The following NALF1 variants were observed in gnomAD, a reference collection of about 807,000 sequenced individuals.
NALF1 encodes the protein NALCN channel auxiliary factor 1.
NALF1 carries 3 observed loss-of-function variants against 48.4 expected under a neutral mutation model. The ratio of observed to expected loss-of-function variants is 0.06; its 90% CI spans 0.03 to 0.16. The LOEUF (loss-of-function observed/expected upper bound fraction) is 0.16, where lower values mean the gene tolerates loss of function less well. NALF1 is among the 10% of genes least tolerant of loss of function. The pLI is 1.00. For missense variants in NALF1, 526 were observed against 571.5 expected, an observed-to-expected ratio of 0.92 and a Z score of 0.81; for synonymous variants, 262 against 245.7, an observed-to-expected ratio of 1.07 and a Z score of -0.62.
At chr13:107,594,978 T>C (rs1222651287) in intron 1 of NALF1, among the ~76,000 whole-genome samples, 1 of 152,142 alleles carries the variant, frequency 6.6e-6, no homozygotes, top group Non-Finnish European at 1.5e-5. Context: ...AGATCCATAG[T>C]TTATCTTTTA....
At chr13:107,473,730 C>T (rs1470352848) in intron 1 of NALF1, among the ~76,000 whole-genome samples, 3 of 152,196 alleles carry the variant, frequency 2.0e-5, no homozygotes, top group South Asian at 4.1e-4. Context: ...AGACGCCCTT[C>T]CACCCTGCTC....
At chr13:107,770,065 A>T (rs550354932) in intron 1 of NALF1, among the ~76,000 whole-genome samples, 1 of 152,092 alleles carries the variant, frequency 6.6e-6, no homozygotes, top group Non-Finnish European at 1.5e-5. Context: ...GGCACCCGCC[A>T]CCACGCCCGG....
At chr13:107,298,351 C>CAAAAAAAAAA (rs1192707023) in intron 1 of NALF1, among the ~76,000 whole-genome samples, 67 of 16,602 alleles carry the variant, frequency 4.0e-3, no homozygotes, top group Non-Finnish European at 4.5e-3. Context: ...GACTCCATCT[C>CAAAAAAAAAA]AAAAAAAAAA....
intron 1 of NALF1, among the ~76,000 whole-genome samples, chr13:107,654,615 G>A (rs1035666313): frequency 1.3e-5 from 2 of 151,732 alleles, no homozygotes; most frequent in African/African-American, 4.8e-5. Flanking sequence ...CAAAGGCAGA[G>A]AAACAGGGAA....
intron 1 of NALF1, among the ~76,000 whole-genome samples, chr13:107,358,107 G>GAT (rs566827741): frequency 2.0e-4 from 31 of 151,634 alleles, no homozygotes; most frequent in Non-Finnish European, 2.1e-4. Context: ...TGTGTCTGTG[G>GAT]ATATATATAT....
chr13:107,553,273 A>C (rs1877351235), intron 1 of NALF1, among the ~76,000 whole-genome samples: 1 of 152,192 alleles, frequency 6.6e-6, no homozygotes, highest in Admixed American at 6.5e-5. Flanking sequence ...TGTACTTCAC[A>C]TTTCAGAAAA....
intron 1 of NALF1, among the ~76,000 whole-genome samples, chr13:107,376,120 C>T (rs1033037550): frequency 1.3e-5 from 2 of 152,066 alleles, no homozygotes; most frequent in Non-Finnish European, 2.9e-5. Context: ...TTGGAGAGGC[C>T]CAGATGGGAA....
intron 1 of NALF1, among the ~76,000 whole-genome samples, chr13:107,761,144 T>C (rs1218980501): frequency 6.6e-6 from 1 of 151,952 alleles, no homozygotes; most frequent in Non-Finnish European, 1.5e-5. Flanking sequence ...GATCACGAGG[T>C]CAAGAGATTG....
intron 1 of NALF1, among the ~76,000 whole-genome samples, chr13:107,714,636 A>AAAAAAAAAAAACG (rs1174305261): frequency 6.6e-6 from 1 of 151,404 alleles, no homozygotes; most frequent in Admixed American, 6.6e-5. Context: ...TAAAAAAAAA[A>AAAAAAAAAAAACG]AAAGAAAGAT....
At chr13:107,709,253 C>T (rs533254523) in intron 1 of NALF1, among the ~76,000 whole-genome samples, 4 of 152,218 alleles carry the variant, frequency 2.6e-5, no homozygotes, top group South Asian at 2.1e-4. Flanking sequence ...AAAAAATATA[C>T]TTGTGTGTAT....
intron 1 of NALF1, among the ~76,000 whole-genome samples, chr13:107,396,919 G>A (rs1487015510): frequency 2.6e-5 from 4 of 152,170 alleles, no homozygotes; most frequent in East Asian, 1.9e-4. Context: ...GTGTGTTTAC[G>A]TGTTTATATG....
At chr13:107,231,449 G>A (rs184440179) in intron 1 of NALF1, among the ~76,000 whole-genome samples, 49 of 152,136 alleles carry the variant, frequency 3.2e-4, no homozygotes, top group African/African-American at 1.1e-3. Context: ...CCCCCAACCC[G>A]TGCTGTGAAT....
At chr13:107,791,779 GC>G (rs11288200) in intron 1 of NALF1, among the ~76,000 whole-genome samples, 36,364 of 149,808 alleles carry the variant, frequency 0.24, 4,749 homozygotes, top group East Asian at 0.56. Context: ...GGTGATCCCC[GC>G]CCCCCCCCGT....
intron 1 of NALF1, among the ~76,000 whole-genome samples, chr13:107,628,919 A>G (rs1032136901): frequency 6.6e-6 from 1 of 152,124 alleles, no homozygotes; most frequent in Non-Finnish European, 1.5e-5. Context: ...CTGCTCCCCC[A>G]TTAAATTTCA....
chr13:107,403,832 C>T (rs576231005), intron 1 of NALF1, among the ~76,000 whole-genome samples: 19 of 151,902 alleles, frequency 1.3e-4, no homozygotes, highest in African/African-American at 4.6e-4. Flanking sequence ...CTTCACATAA[C>T]CATAATCTCA....
rs61241553 is a variant in NALF1 at position 107,469,733 on chromosome 13, C to CT, written c.916-258979dup. Among the ~76,000 whole-genome samples, 773 of 79,948 alleles carry CT rather than the reference C, an allele frequency of 9.7e-3. 159 individuals are homozygous for CT. The highest frequency in any genetic ancestry group is 0.041 in the East Asian group (91 of 2,224). 52.4% of individuals were successfully genotyped at this position (79,948 alleles called of 152,430 possible). On this transcript the variant is annotated intron_variant, in intron 1 of 2. Transcript: ENST00000375915. The stretch of plus-strand genomic sequence containing the variant: ...TAAATGCGATGAGTCAACTGTGTAT[C>CT]TTTTTTTTTTTTTTTTTTTTTTTTT...
At chr13:107,282,004 G>C (rs151127911) in intron 1 of NALF1, among the ~76,000 whole-genome samples, 2,373 of 152,260 alleles carry the variant, frequency 0.016, 24 homozygotes, top group Non-Finnish European at 0.024. Flanking sequence ...TTTGGATGGG[G>C]ACCCAGCCAC....
intron 1 of NALF1, among the ~76,000 whole-genome samples, chr13:107,522,534 C>T (rs1876277510): frequency 6.6e-6 from 1 of 151,540 alleles, no homozygotes; most frequent in African/African-American, 2.4e-5. Flanking sequence ...TTAAGATAAA[C>T]TTTCCTTCAG....
intron 1 of NALF1, among the ~76,000 whole-genome samples, chr13:107,450,336 G>A (rs1296208263): frequency 6.6e-6 from 1 of 152,164 alleles, no homozygotes; most frequent in African/African-American, 2.4e-5. Context: ...CACGGGGACT[G>A]GGGGCCTTGG....
Sources: allele counts gnomAD v4.1 joint callset (sites outside exome capture counted in the v4.1 genomes callset), GRCh38; gene constraint gnomAD v4.1.1; transcripts MANE v1.5; gene names NCBI Gene and HGNC (gene_info 2026-07-23, HGNC 2026-07-21).